Variants in GTF2F2 observed in about 807,000 individuals in gnomAD.
GTF2F2 encodes ATP-dependent helicase GTF2F2.
GTF2F2 carries 23 observed loss-of-function variants against 42.2 expected under a neutral mutation model. The ratio of observed to expected loss-of-function variants is 0.55; its 90% confidence interval spans 0.39 to 0.77. The LOEUF (loss-of-function observed/expected upper bound fraction) is 0.77. Ranked by LOEUF, GTF2F2 falls within the 30% of genes least tolerant of loss-of-function variation. The pLI is 0.00. For missense variants in GTF2F2, 261 were observed against 287.2 expected (o/e 0.91, Z 0.66); for synonymous variants, 105 against 100.8 (o/e 1.04, Z -0.25).
chr13:45,136,991 A>G (rs531682656), intron 2 of GTF2F2, among the ~76,000 whole-genome samples, 185 bp downstream of exon 2: 1 of 152,360 alleles, frequency 6.6e-6, no homozygotes, highest in South Asian at 2.1e-4. Context: ...ATACACACAT[A>G]TCCCCACACC....
At chr13:45,194,607 G>C in intron 4 of GTF2F2, 2 of 1,559,570 alleles carry the variant, frequency 1.3e-6, no homozygotes, top group Non-Finnish European at 1.7e-6. Context: ...TCTTGGCTTT[G>C]AGATTTTTTA....
Position 45,149,803 on chromosome 13 carries a change from A to G in GTF2F2, c.159+15A>G. 6.7e-7 allele frequency: 1 copy of G among 1,496,442 alleles called. No homozygotes were observed. The highest frequency in any genetic ancestry group is 9.0e-7 in the Non-Finnish European group (1 of 1,114,594). 92.7% of individuals were successfully genotyped at this position (1,496,442 alleles called of 1,614,324 possible). A position where few individuals can be genotyped will look rare whatever the true frequency, so the allele number is the denominator to read the frequency against. Reference sequence around the variant, plus strand: ...GAAGGACTGAGGTAAGATTATTTATATGGAAATTTTAGTTAAAACTTGAGA... The same window carrying G: ...GAAGGACTGAGGTAAGATTATTTATGTGGAAATTTTAGTTAAAACTTGAGA... On this transcript the variant is annotated intron_variant, in intron 3 of 7. Coordinates refer to ENST00000340473, the MANE Select transcript of GTF2F2 (RefSeq NM_004128.3).
intron 5 of GTF2F2, among the ~76,000 whole-genome samples, chr13:45,245,686 TATATATATATATATACATATACATAC>T (rs892379280): frequency 7.2e-5 from 5 of 69,518 alleles, no homozygotes; most frequent in African/African-American, 3.0e-4. Context: ...TATATATATA[TATATATATATATATACATATACATAC>T]ACACACACAC....
In GTF2F2 at chr13:45,142,272, TTCTCGTGC is replaced by T. The variant is rs553601190; in HGVS notation, c.140+5467_140+5474del. On this transcript the variant is annotated intron_variant, in intron 2 of 7. Coordinates refer to ENST00000340473, the MANE Select transcript of GTF2F2 (RefSeq NM_004128.3). ...ACCTCCGCCTCCTGAGTTCAAGCAA[TTCTCGTGC>T]CTCAGCCTCCTGAGTAGCTGGGATT... Among the ~76,000 whole-genome samples the T allele has an allele frequency of 4.0e-3, 609 of 152,290 alleles. 6 individuals carry two copies. The highest frequency in any genetic ancestry group is 7.0e-3 in the Non-Finnish European group (479 of 68,018).
At chr13:45,178,828 G>T (rs775503076) in intron 4 of GTF2F2, among the ~76,000 whole-genome samples, 5 of 152,112 alleles carry the variant, frequency 3.3e-5, no homozygotes, top group Non-Finnish European at 7.4e-5. Flanking sequence ...TAAGCTGGGG[G>T]CTCTACTGTT....
intron 1 of GTF2F2, among the ~76,000 whole-genome samples, chr13:45,132,184 A>G (rs2138094566): frequency 6.6e-6 from 1 of 152,356 alleles, no homozygotes; most frequent in South Asian, 2.1e-4. Flanking sequence ...AGTTTAAAAC[A>G]ACATGCATTT....
chr13:45,265,638 T>G (rs1876532329), intron 6 of GTF2F2, among the ~76,000 whole-genome samples: 1 of 152,240 alleles, frequency 6.6e-6, no homozygotes, highest in South Asian at 2.1e-4. Flanking sequence ...CTCAAGGTTT[T>G]CAGTTACCTT....
intron 2 of GTF2F2, among the ~76,000 whole-genome samples, chr13:45,140,965 T>C (rs1477174895): frequency 1.3e-5 from 2 of 152,234 alleles, no homozygotes; most frequent in African/African-American, 2.4e-5. Context: ...CACTTCTTGT[T>C]TGTAAAATGT....
intron 6 of GTF2F2, among the ~76,000 whole-genome samples, chr13:45,253,253 A>G (rs184818420): frequency 5.3e-5 from 8 of 152,232 alleles, no homozygotes; most frequent in Admixed American, 3.3e-4. Flanking sequence ...TCAATTCTCA[A>G]TGTTGCAATG....
intron 2 of GTF2F2, among the ~76,000 whole-genome samples, chr13:45,138,795 G>A (rs1476577832): frequency 1.3e-5 from 2 of 152,080 alleles, no homozygotes; most frequent in African/African-American, 2.4e-5. Context: ...ATAGATGTGC[G>A]CCAGCATACC....
intron 7 of GTF2F2, among the ~76,000 whole-genome samples, chr13:45,276,492 A>G (rs1445698941): frequency 2.7e-5 from 4 of 150,444 alleles, no homozygotes; most frequent in South Asian, 4.2e-4. Context: ...CCTGGGGTGC[A>G]ATGGCATGAT....
intron 5 of GTF2F2, among the ~76,000 whole-genome samples, chr13:45,221,092 T>C (rs1041969033): frequency 2.6e-5 from 4 of 152,124 alleles, no homozygotes; most frequent in African/African-American, 9.7e-5. Flanking sequence ...TCTACTTGGA[T>C]GTCTCCTTCG....
At chr13:45,227,849 C>T (rs1378733862) in intron 5 of GTF2F2, among the ~76,000 whole-genome samples, 2 of 152,092 alleles carry the variant, frequency 1.3e-5, no homozygotes, top group Non-Finnish European at 2.9e-5. Context: ...GGGGAAATGG[C>T]ACAAATGCCC....
At chr13:45,208,920 T>A (rs1238435194) in intron 5 of GTF2F2, among the ~76,000 whole-genome samples, 1 of 152,194 alleles carries the variant, frequency 6.6e-6, no homozygotes, top group Non-Finnish European at 1.5e-5. Context: ...AGTAGTAAAT[T>A]TTTGAAGTCT....
intron 5 of GTF2F2, among the ~76,000 whole-genome samples, chr13:45,236,530 A>ACAC (rs1566145926): frequency 7.2e-6 from 1 of 138,726 alleles, no homozygotes; most frequent in East Asian, 2.1e-4. Flanking sequence ...CACACACACA[A>ACAC]GTTTATGAGG....
At chr13:45,249,870 C>T (rs1311143640) in intron 5 of GTF2F2, among the ~76,000 whole-genome samples, 1 of 152,128 alleles carries the variant, frequency 6.6e-6, no homozygotes, top group Admixed American at 6.5e-5. Flanking sequence ...CTGACACTTA[C>T]TTGTGTTTCC....
At chr13:45,260,399 C>G (rs1339572633) in intron 6 of GTF2F2, among the ~76,000 whole-genome samples, 1 of 152,102 alleles carries the variant, frequency 6.6e-6, no homozygotes, top group African/African-American at 2.4e-5. Context: ...ATAATTTCCT[C>G]CCAAGAGATA....
intron 7 of GTF2F2, among the ~76,000 whole-genome samples, chr13:45,276,836 A>AT (rs1365036652): frequency 1.3e-5 from 2 of 152,262 alleles, no homozygotes; most frequent in Non-Finnish European, 2.9e-5. Flanking sequence ...CATGTGAAGC[A>AT]TTTGTCAGTG....
chr13:45,257,036 C>T (rs1876132229), intron 6 of GTF2F2, among the ~76,000 whole-genome samples: 1 of 152,128 alleles, frequency 6.6e-6, no homozygotes, highest in Non-Finnish European at 1.5e-5. Context: ...CATTTACCCA[C>T]AGTTTTTTCA....
Sources: gnomAD v4.1 joint callset for allele counts (sites outside exome capture counted in the v4.1 genomes callset) on GRCh38, gnomAD v4.1.1 for gene constraint, MANE v1.5 for transcripts, NCBI Gene and HGNC (gene_info 2026-07-23, HGNC 2026-07-21) for gene names.